The following MAP3K5 variants were observed in gnomAD, a reference collection of about 807,000 sequenced individuals.
MAP3K5 encodes ASK-1.
A neutral mutation model predicts 158.7 loss-of-function variants in MAP3K5; 56 were observed. That is an observed-to-expected ratio of 0.35 (90% confidence interval 0.28 to 0.44). MAP3K5 has a LOEUF of 0.44. MAP3K5 is among the 20% of genes least tolerant of loss of function. MAP3K5 has a pLI of 1.00. For synonymous variants in MAP3K5, 579 were observed against 601.7 expected (o/e 0.96, Z 0.55); for missense variants, 1,294 against 1,674.8 (o/e 0.77, Z 3.97).
chr6:136,563,472 C>T (rs1213707508), intron 26 of MAP3K5, among the ~76,000 whole-genome samples: 2 of 152,138 alleles, frequency 1.3e-5, no homozygotes, highest in Admixed American at 6.5e-5. Flanking sequence ...TAAATGTTCA[C>T]GGTTGTTGCT....
chr6:136,617,564 T>C (rs971564660), intron 15 of MAP3K5, among the ~76,000 whole-genome samples: 2 of 152,154 alleles, frequency 1.3e-5, no homozygotes, highest in Non-Finnish European at 2.9e-5. Flanking sequence ...TTTCTAGAAG[T>C]AGAGCTTGAG....
chr6:136,682,980 A>C (rs1779998201), intron 7 of MAP3K5, among the ~76,000 whole-genome samples: 1 of 152,256 alleles, frequency 6.6e-6, no homozygotes, highest in Admixed American at 6.5e-5. Flanking sequence ...GGGAAATTTA[A>C]TATAGTCAAT....
intron 1 of MAP3K5, 123 bp from the exon 2 acceptor site, chr6:136,720,712 C>T: frequency 1.4e-6 from 1 of 699,972 alleles, no homozygotes; most frequent in East Asian, 2.9e-5. Context: ...GATTTTCTCT[C>T]TTCATTTATC....
intron 7 of MAP3K5, among the ~76,000 whole-genome samples, chr6:136,675,945 C>T (rs1779685680): frequency 1.3e-5 from 2 of 152,132 alleles, no homozygotes; most frequent in East Asian, 3.9e-4. Context: ...GATGATAGAG[C>T]ATTAAAAGCA....
intron 1 of MAP3K5, among the ~76,000 whole-genome samples, chr6:136,786,766 G>C (rs953427105): frequency 6.8e-6 from 1 of 146,192 alleles, no homozygotes; most frequent in Non-Finnish European, 1.5e-5. Flanking sequence ...GATTGGGAAA[G>C]TTTATTAAAA....
At chr6:136,674,117 G>A (rs1297611852) in intron 7 of MAP3K5, among the ~76,000 whole-genome samples, 1 of 151,266 alleles carries the variant, frequency 6.6e-6, no homozygotes, top group Non-Finnish European at 1.5e-5. Flanking sequence ...CATCTTTAGA[G>A]TAATAAAAGA....
chr6:136,621,949 G>A (rs1335553470), intron 15 of MAP3K5, among the ~76,000 whole-genome samples: 2 of 152,050 alleles, frequency 1.3e-5, no homozygotes, highest in Non-Finnish European at 2.9e-5. Context: ...AGCCAGGCGT[G>A]GTGGCAGGCA....
intron 10 of MAP3K5, among the ~76,000 whole-genome samples, chr6:136,651,902 T>G (rs1332271394): frequency 6.6e-6 from 1 of 152,140 alleles, no homozygotes; most frequent in Admixed American, 6.5e-5. Flanking sequence ...CATTATCTAC[T>G]TGTATAGATG....
chr6:136,789,386 T>C (rs1399835122), intron 1 of MAP3K5, among the ~76,000 whole-genome samples: 1 of 152,194 alleles, frequency 6.6e-6, no homozygotes, highest in Non-Finnish European at 1.5e-5. Flanking sequence ...CACATTTTCA[T>C]GCTTTCATGC....
intron 1 of MAP3K5, among the ~76,000 whole-genome samples, chr6:136,745,650 C>T (rs754412858): frequency 5.9e-5 from 9 of 152,168 alleles, no homozygotes; most frequent in Non-Finnish European, 1.2e-4. Context: ...TGTGCCGCTG[C>T]CTGTGCCTCA....
intron 2 of MAP3K5, among the ~76,000 whole-genome samples, chr6:136,718,070 C>T (rs962323731): frequency 6.6e-6 from 1 of 152,072 alleles, no homozygotes; most frequent in African/African-American, 2.4e-5. Flanking sequence ...GTCAGGCAGT[C>T]GTAATCCCAA....
chr6:136,745,230 A>C (rs910858805), intron 1 of MAP3K5, among the ~76,000 whole-genome samples: 1 of 151,412 alleles, frequency 6.6e-6, no homozygotes, highest in Non-Finnish European at 1.5e-5. Flanking sequence ...CTTTAAATTG[A>C]ATAGACGAAG....
intron 7 of MAP3K5, among the ~76,000 whole-genome samples, chr6:136,682,316 A>AG (rs1274995362): frequency 4.6e-5 from 7 of 151,654 alleles, no homozygotes; most frequent in African/African-American, 1.7e-4. Context: ...GTGGGGAGAG[A>AG]GGGGGAAGGA....
At chr6:136,666,049 CTTG>C (rs1245835112) in intron 8 of MAP3K5, among the ~76,000 whole-genome samples, 9 of 152,148 alleles carry the variant, frequency 5.9e-5, no homozygotes, top group Admixed American at 3.9e-4. Flanking sequence ...GAAGCATCAT[CTTG>C]TTATTTAGCT....
At chr6:136,666,196 A>T (rs888614834) in intron 8 of MAP3K5, among the ~76,000 whole-genome samples, 13 of 152,222 alleles carry the variant, frequency 8.5e-5, no homozygotes, top group African/African-American at 3.1e-4. Flanking sequence ...GAAAAGTAAA[A>T]CACAGATCCA....
intron 25 of MAP3K5, among the ~76,000 whole-genome samples, chr6:136,571,273 G>A (rs530636785): frequency 3.0e-4 from 45 of 152,240 alleles, no homozygotes; most frequent in African/African-American, 1.1e-3. Context: ...CAATGTCCGT[G>A]TACCTTATTC....
intron 19 of MAP3K5, 143 bp downstream of exon 19, chr6:136,605,066 A>G (rs1439972972): frequency 2.6e-6 from 2 of 757,242 alleles, no homozygotes; most frequent in Non-Finnish European, 4.2e-6. Context: ...TCTAACCGAG[A>G]GAGAATCTTC....
At chr6:136,586,339 T>A (rs147769270) in intron 23 of MAP3K5, among the ~76,000 whole-genome samples, 1 of 152,272 alleles carries the variant, frequency 6.6e-6, no homozygotes, top group African/African-American at 2.4e-5. Flanking sequence ...AATGGCAAAC[T>A]TTTTTTTCGA....
intron 3 of MAP3K5, 151 bp from the exon 4 acceptor site, chr6:136,698,833 T>C (rs1780723236): frequency 1.8e-6 from 1 of 559,702 alleles, no homozygotes; most frequent in Admixed American, 3.5e-5. Context: ...CAATGAAAAT[T>C]TCCCCAATTC....
Sources: gnomAD v4.1 joint callset for allele counts (sites outside exome capture counted in the v4.1 genomes callset) on GRCh38, gnomAD v4.1.1 for gene constraint, MANE v1.5 for transcripts, NCBI Gene and HGNC (gene_info 2026-07-23, HGNC 2026-07-21) for gene names.